The following GPR158 variants were observed in gnomAD, a reference collection of about 807,000 sequenced individuals.
GPR158 encodes the protein metabotropic glycine receptor.
Under a neutral mutation model 78.2 loss-of-function variants are expected in GPR158, and 30 were observed. The ratio of observed to expected loss-of-function variants is 0.38; its 90% confidence interval spans 0.29 to 0.52. GPR158 has a LOEUF of 0.52. Ranked by LOEUF, GPR158 falls within the 20% of genes least tolerant of loss-of-function variation. The pLI is 0.83. For missense variants in GPR158, 1,463 were observed against 1,523.5 expected (o/e 0.96, Z 0.66); for synonymous variants, 581 against 591.1 (o/e 0.98, Z 0.25).
chr10:25,236,503 G>T (rs540967192), intron 2 of GPR158, among the ~76,000 whole-genome samples: 1 of 152,080 alleles, frequency 6.6e-6, no homozygotes, highest in South Asian at 2.1e-4. Context: ...GCGAGACTCC[G>T]TCTCAAAAAA....
At chr10:25,525,412 G>A (rs1173775237) in intron 5 of GPR158, among the ~76,000 whole-genome samples, 1 of 152,110 alleles carries the variant, frequency 6.6e-6, no homozygotes, top group Non-Finnish European at 1.5e-5. Context: ...TAAACACAAT[G>A]TATTATATCT....
Position 25,190,222 on chromosome 10 carries a change from G to A in GPR158, c.902+13900G>A, listed in dbSNP as rs190612923. On this transcript the variant is annotated intron_variant, in intron 1 of 10. Coordinates refer to ENST00000376351, the MANE Select transcript of GPR158 (RefSeq NM_020752.3). ...TTACAATGTATTTTTTAAATATTCCGTTTGCCATTTTAACTTATTGATTCA... is the reference window on the plus strand; with the variant it reads ...TTACAATGTATTTTTTAAATATTCCATTTGCCATTTTAACTTATTGATTCA... 1.1e-4 allele frequency among the ~76,000 whole-genome samples: 16 copies of A among 152,086 alleles called. No individual in the cohort carries two copies. In the East Asian group the frequency reaches 1.4e-3, roughly 13 times the overall value.
chr10:25,523,933 T>G (rs1836317840), intron 5 of GPR158, among the ~76,000 whole-genome samples: 1 of 151,990 alleles, frequency 6.6e-6, no homozygotes, highest in Non-Finnish European at 1.5e-5. Context: ...GAGAAAACTC[T>G]AAGGAATGCA....
intron 2 of GPR158, among the ~76,000 whole-genome samples, chr10:25,270,235 A>G (rs1196672755): frequency 6.6e-6 from 1 of 152,184 alleles, no homozygotes; most frequent in Non-Finnish European, 1.5e-5. Flanking sequence ...TTAAAACCAT[A>G]TGAGCCTTTC....
At chr10:25,406,014 C>T (rs150854760) in intron 3 of GPR158, among the ~76,000 whole-genome samples, 12 of 152,192 alleles carry the variant, frequency 7.9e-5, no homozygotes, top group African/African-American at 2.6e-4. Flanking sequence ...CACTTTGGAA[C>T]GTGGAAGCTA....
intron 2 of GPR158, among the ~76,000 whole-genome samples, chr10:25,237,233 C>T (rs1187998791): frequency 6.6e-6 from 1 of 152,156 alleles, no homozygotes; most frequent in Non-Finnish European, 1.5e-5. Context: ...TCTCATCTTC[C>T]TTCAGGAATG....
At chr10:25,459,860 C>A (rs1483223788) in intron 4 of GPR158, among the ~76,000 whole-genome samples, 1 of 152,106 alleles carries the variant, frequency 6.6e-6, no homozygotes, top group Non-Finnish European at 1.5e-5. Flanking sequence ...GGTTTGATAT[C>A]TGGCTGTTAT....
chr10:25,433,814 C>T (rs534352866), intron 4 of GPR158, among the ~76,000 whole-genome samples: 9 of 149,720 alleles, frequency 6.0e-5, no homozygotes, highest in Non-Finnish European at 1.3e-4. Context: ...TATTACAGAC[C>T]TGAGCCACTG....
At chr10:25,542,586 G>A (rs547369203) in intron 5 of GPR158, among the ~76,000 whole-genome samples, 1 of 152,228 alleles carries the variant, frequency 6.6e-6, no homozygotes, top group East Asian at 1.9e-4. Flanking sequence ...ACTTTGAGAG[G>A]TCAAGGAGGG....
chr10:25,257,775 C>T (rs1242756060), intron 2 of GPR158, among the ~76,000 whole-genome samples: 1 of 152,110 alleles, frequency 6.6e-6, no homozygotes, highest in Non-Finnish European at 1.5e-5. Flanking sequence ...TTTGGCTATA[C>T]TTTGCGAGTT....
intron 6 of GPR158, among the ~76,000 whole-genome samples, chr10:25,559,238 A>G (rs1018900362): frequency 6.6e-6 from 1 of 151,970 alleles, no homozygotes; most frequent in Admixed American, 6.6e-5. Context: ...TCTGAAATCT[A>G]TTTTGTCTGG....
chr10:25,315,818 T>C (rs1435268621), intron 2 of GPR158, among the ~76,000 whole-genome samples: 1 of 152,090 alleles, frequency 6.6e-6, no homozygotes, highest in Non-Finnish European at 1.5e-5. Flanking sequence ...CCTTTTGAAA[T>C]GCCTTTAGAC....
chr10:25,405,803 G>T (rs1203826563), intron 3 of GPR158, among the ~76,000 whole-genome samples: 2 of 151,940 alleles, frequency 1.3e-5, no homozygotes, highest in African/African-American at 4.8e-5. Context: ...ATGACCACAG[G>T]CAAGAATAAA....
chr10:25,274,649 A>C (rs901122277), intron 2 of GPR158, among the ~76,000 whole-genome samples: 1 of 152,212 alleles, frequency 6.6e-6, no homozygotes, highest in Non-Finnish European at 1.5e-5. Flanking sequence ...CTAAAAGCCC[A>C]CTAGTGCAGA....
chr10:25,387,948 A>G (rs1221803508), intron 2 of GPR158, among the ~76,000 whole-genome samples: 1 of 150,862 alleles, frequency 6.6e-6, no homozygotes, highest in Admixed American at 6.6e-5. Context: ...ACTGAATTTA[A>G]TCTCCTTACT....
intron 2 of GPR158, among the ~76,000 whole-genome samples, chr10:25,241,677 C>G (rs889016143): frequency 3.9e-5 from 6 of 152,170 alleles, no homozygotes; most frequent in African/African-American, 1.4e-4. Context: ...CCACCTTGGC[C>G]TCCCAAAGTG....
chr10:25,537,299 A>C (rs1477936376), intron 5 of GPR158, among the ~76,000 whole-genome samples: 1 of 152,210 alleles, frequency 6.6e-6, no homozygotes, highest in Non-Finnish European at 1.5e-5. Flanking sequence ...TAATATAGTA[A>C]TATGATACCT....
intron 2 of GPR158, among the ~76,000 whole-genome samples, chr10:25,240,741 A>C (rs1048803810): frequency 6.6e-6 from 1 of 152,208 alleles, no homozygotes; most frequent in Non-Finnish European, 1.5e-5. Context: ...TTTTATTTCA[A>C]ATATGCATAT....
intron 1 of GPR158, among the ~76,000 whole-genome samples, chr10:25,218,472 A>AGTAAGCTGGAAGATTTGAGATTTCCAC (rs1390634899): frequency 6.6e-6 from 1 of 152,200 alleles, no homozygotes; most frequent in Non-Finnish European, 1.5e-5. Context: ...CCGATGTCTG[A>AGTAAGCTGGAAGATTTGAGATTTCCAC]GTAAGCTGGA....
Sources: allele counts gnomAD v4.1 joint callset (sites outside exome capture counted in the v4.1 genomes callset), GRCh38; gene constraint gnomAD v4.1.1; transcripts MANE v1.5; gene names NCBI Gene and HGNC (gene_info 2026-07-23, HGNC 2026-07-21).